EBF4: variants seen among roughly 807,000 people sequenced by gnomAD.
EBF4 encodes the protein transcription factor COE4.
In EBF4, 34 loss-of-function variants were observed where a neutral mutation model predicts 67.1. The observed-to-expected ratio is 0.51, with a 90% CI of 0.39 to 0.67. The LOEUF (loss-of-function observed/expected upper bound fraction) is 0.67. Among genes scored for constraint, EBF4 ranks in the 30% least tolerant of loss-of-function variants. EBF4 has a pLI of 0.00. For missense variants in EBF4, 837 were observed against 873.3 expected, an observed-to-expected ratio of 0.96 and a Z score of 0.52; for synonymous variants, 387 against 377.7, an observed-to-expected ratio of 1.02 and a Z score of -0.29.
rs934522504 is a variant in EBF4, at chr20:2,751,819, G to C, written c.1107+31G>C. On this transcript the variant is annotated intron_variant, in intron 11 of 16. Transcript: ENST00000609451. The surrounding 1 kb of genome is among the most constrained non-coding windows in gnomAD (Gnocchi z 5.2). ...CAGAGGGGCGGGGCGGGGCGGGGCTGAGGGTGTCCTGTGGGCAAGGGGGTG... is the reference window on the plus strand; with the variant it reads ...CAGAGGGGCGGGGCGGGGCGGGGCTCAGGGTGTCCTGTGGGCAAGGGGGTG... 1 of 1,548,760 alleles carries C rather than the reference G, an allele frequency of 6.5e-7. No homozygotes were observed. The highest frequency in any genetic ancestry group is 8.7e-7 in the Non-Finnish European group (1 of 1,146,180).
chr20:2,693,742 C>T lies in EBF4; in HGVS notation c.97C>T (p.Gln33Ter). 7.4e-7 allele frequency: 1 copy of T among 1,356,028 alleles called. No homozygotes were observed. The highest frequency in any genetic ancestry group is 9.4e-7 in the Non-Finnish European group (1 of 1,058,272). The allele number at this position is 1,356,028 out of a possible 1,614,324, so 84.0% of individuals were successfully genotyped here. ...CCTGGGCTCAGTGCGCTCCTGGATG[C>T]AGGGCGCGGGCATCCTGGACGCCAG... The change falls in exon 1 of 17, where the codon CAG (glutamine) becomes TAG (stop). Residue 33 changes from glutamine (Q) to a stop codon, truncating the protein, a stop_gained. Coordinates refer to ENST00000609451, the Ensembl canonical transcript of EBF4. LOFTEE classifies it high-confidence loss of function. The surrounding 1 kb of genome is among the most constrained non-coding windows in gnomAD (Gnocchi z 4.6).
intron 6 of EBF4, among the ~76,000 whole-genome samples, chr20:2,721,372 T>C (rs777267018): frequency 6.6e-6 from 1 of 151,874 alleles, no homozygotes; most frequent in Non-Finnish European, 1.5e-5. Context: ...TCCCATTCCA[T>C]GCAATTTTAA....
intron 6 of EBF4, among the ~76,000 whole-genome samples, chr20:2,740,591 T>C (rs1204184737): frequency 2.0e-5 from 3 of 152,176 alleles, no homozygotes; most frequent in Admixed American, 1.3e-4. Context: ...CTCATGGGGA[T>C]GCAGGGAAGA....
At chr20:2,752,921 G>A (rs1200459178) in intron 14 of EBF4, among the ~76,000 whole-genome samples, 1 of 152,236 alleles carries the variant, frequency 6.6e-6, no homozygotes, top group Non-Finnish European at 1.5e-5. Context: ...TTGGGGAGGA[G>A]GCTGGCGCCG....
intron 1 of EBF4, among the ~76,000 whole-genome samples, chr20:2,695,855 G>A (rs1218529532): frequency 1.3e-5 from 2 of 151,970 alleles, no homozygotes; most frequent in African/African-American, 2.4e-5. Context: ...AAGACTCCCT[G>A]GGATCCGAGA....
chr20:2,719,462 A>T (rs937297384), intron 6 of EBF4, among the ~76,000 whole-genome samples: 1 of 152,066 alleles, frequency 6.6e-6, no homozygotes, highest in Non-Finnish European at 1.5e-5. Context: ...TTTGTTAGAG[A>T]CGGGGTTTCA....
rs566945899 is a variant in EBF4 at position 2,747,746 on chromosome 20, A to G, written c.558-803A>G. Among the ~76,000 whole-genome samples, 4 of 152,336 alleles carry G rather than the reference A, an allele frequency of 2.6e-5. 1 individual carries two copies. In the South Asian group the frequency reaches 8.3e-4, roughly 32 times the overall value. ...ATTTTGGGTAATCATTTACAACATA[A>G]AATGCGTATTAATGTATTTGTTCTG... is the stretch of plus-strand genomic sequence containing the variant. On this transcript the variant is annotated intron_variant, in intron 6 of 16. Transcript: ENST00000609451. This position sits in a 1 kb window ranked among gnomAD's most constrained non-coding sequence, Gnocchi z 4.6.
chr20:2,704,464 C>A (rs1023259129), intron 1 of EBF4, among the ~76,000 whole-genome samples: 1 of 152,190 alleles, frequency 6.6e-6, no homozygotes, highest in African/African-American at 2.4e-5. Flanking sequence ...GCACGAACTT[C>A]CAGTACAAAC....
At chr20:2,723,412 G>A (rs992499746) in intron 6 of EBF4, among the ~76,000 whole-genome samples, 3 of 151,898 alleles carry the variant, frequency 2.0e-5, no homozygotes, top group Non-Finnish European at 2.9e-5. Context: ...GTGCAGTGGC[G>A]CAATCTCGGC....
intron 6 of EBF4, among the ~76,000 whole-genome samples, chr20:2,741,437 C>A (rs2087967119): frequency 6.6e-6 from 1 of 152,196 alleles, no homozygotes; most frequent in African/African-American, 2.4e-5. Context: ...GAGTAAAGCA[C>A]TGTGCTTGGG....
chr20:2,743,873 A>T (rs1432628971), intron 6 of EBF4, among the ~76,000 whole-genome samples: 1 of 152,136 alleles, frequency 6.6e-6, no homozygotes, highest in African/African-American at 2.4e-5. Flanking sequence ...CCAGATATTT[A>T]GGGTGTCCAT....
intron 6 of EBF4, among the ~76,000 whole-genome samples, chr20:2,735,050 AC>A (rs142879836): frequency 0.047 from 7,159 of 152,280 alleles, 562 homozygotes; most frequent in African/African-American, 0.16. Flanking sequence ...TTATGGCCAA[AC>A]TTTTATTTGC....
intron 14 of EBF4, among the ~76,000 whole-genome samples, chr20:2,752,897 T>G (rs371477325): frequency 6.6e-6 from 1 of 152,156 alleles, no homozygotes; most frequent in Non-Finnish European, 1.5e-5. Flanking sequence ...CCCCTTCCCA[T>G]CTCGCGCCCG....
chr20:2,753,875 C>T (rs893201810), intron 14 of EBF4, among the ~76,000 whole-genome samples: 4 of 152,252 alleles, frequency 2.6e-5, no homozygotes, highest in African/African-American at 9.6e-5. Context: ...GCCCCTGCCT[C>T]TCCTGGCTCT....
chr20:2,737,101 T>C (rs2087893570), intron 6 of EBF4, among the ~76,000 whole-genome samples: 1 of 150,760 alleles, frequency 6.6e-6, no homozygotes, highest in Admixed American at 6.8e-5. Context: ...TACCAAAAAA[T>C]TAGCCGGGCG....
intron 14 of EBF4, among the ~76,000 whole-genome samples, chr20:2,753,223 G>A (rs989470024): frequency 6.6e-6 from 1 of 152,210 alleles, no homozygotes; most frequent in African/African-American, 2.4e-5. Context: ...GTGCCACTGT[G>A]CCTAAAGGGC....
At chr20:2,721,654 C>T (rs1237237096) in intron 6 of EBF4, among the ~76,000 whole-genome samples, 4 of 152,052 alleles carry the variant, frequency 2.6e-5, no homozygotes, top group Non-Finnish European at 5.9e-5. Context: ...AGGGTTTCAC[C>T]ATGTTGGCCA....
chr20:2,759,118 C>A, intron 16 of EBF4, 134 bp downstream of exon 16: 1 of 883,218 alleles, frequency 1.1e-6, no homozygotes, highest in Non-Finnish European at 1.7e-6. Flanking sequence ...GGGTCCAAGT[C>A]TTCCTCCCCG....
In EBF4 at chr20:2,739,639, C is replaced by A. The variant is rs1247069547; in HGVS notation, c.558-8910C>A. On this transcript the variant is annotated intron_variant, in intron 6 of 16. Transcript: ENST00000609451. This position sits in a 1 kb window ranked among gnomAD's most constrained non-coding sequence, Gnocchi z 4.5. ...TGAATGAGGGGATGAATGGCCCAGC[C>A]CTCTGTGTCCTCCTCTGTCCCTGAG... Among the ~76,000 whole-genome samples, 1 of 152,164 alleles carries A rather than the reference C, an allele frequency of 6.6e-6. No individual in the cohort carries two copies. Among genetic ancestry groups the A allele is most frequent in the Non-Finnish European group, 1.5e-5 (1 of 68,020 alleles).
Sources: allele counts gnomAD v4.1 joint callset (sites outside exome capture counted in the v4.1 genomes callset), GRCh38; gene constraint gnomAD v4.1.1; non-coding constraint Gnocchi (gnomAD v3.1); transcripts MANE v1.5; gene names NCBI Gene and HGNC (gene_info 2026-07-23, HGNC 2026-07-21).